The following GPC5 variants were observed in gnomAD, a reference collection of about 807,000 sequenced individuals.
The protein encoded by GPC5 is glypican 5.
A neutral mutation model predicts 53.9 loss-of-function variants in GPC5; 47 were observed. The observed-to-expected ratio is 0.87, with a 90% CI of 0.69 to 1.11. GPC5 has a LOEUF of 1.11. Among genes scored for constraint, GPC5 ranks in the 50% most tolerant of loss-of-function variants. The pLI is 0.00. For synonymous variants in GPC5, 286 were observed against 263.3 expected (o/e 1.09, Z -0.84); for missense variants, 748 against 713.1 (o/e 1.05, Z -0.56).
chr13:92,380,916 GAAAA>G (rs890659343), intron 7 of GPC5, among the ~76,000 whole-genome samples: 4 of 146,704 alleles, frequency 2.7e-5, no homozygotes, highest in Non-Finnish European at 6.0e-5. Context: ...AATAATAAAA[GAAAA>G]AAAAGAAAAA....
chr13:91,502,102 T>C (rs1884669585), intron 2 of GPC5, among the ~76,000 whole-genome samples: 1 of 152,212 alleles, frequency 6.6e-6, no homozygotes, highest in Non-Finnish European at 1.5e-5. Flanking sequence ...GTTTGTTTTT[T>C]TCTTGTAAAT....
chr13:91,564,997 G>GGGGGGGGC (rs1566509034), intron 2 of GPC5, among the ~76,000 whole-genome samples: 1 of 149,550 alleles, frequency 6.7e-6, no homozygotes, highest in African/African-American at 2.5e-5. Context: ...TTTTTTTGGG[G>GGGGGGGGC]GGGGGTCGGT....
intron 7 of GPC5, among the ~76,000 whole-genome samples, chr13:92,482,706 C>T (rs925303163): frequency 1.3e-5 from 2 of 152,200 alleles, no homozygotes; most frequent in Non-Finnish European, 2.9e-5. Flanking sequence ...CTTTTACCCA[C>T]GATTGTATTG....
intron 7 of GPC5, among the ~76,000 whole-genome samples, chr13:92,147,405 A>T (rs1347363422): frequency 2.0e-5 from 3 of 151,796 alleles, no homozygotes; most frequent in Admixed American, 2.0e-4. Flanking sequence ...GTGTGTGCAT[A>T]TGTGTGTATA....
chr13:92,309,599 C>G (rs1394049059), intron 7 of GPC5, among the ~76,000 whole-genome samples: 1 of 151,796 alleles, frequency 6.6e-6, no homozygotes, highest in Admixed American at 6.6e-5. Flanking sequence ...ATTTTTTCTA[C>G]TTTATTGAAG....
intron 7 of GPC5, among the ~76,000 whole-genome samples, chr13:92,546,132 C>A: frequency 6.6e-6 from 1 of 152,100 alleles, no homozygotes; most frequent in Non-Finnish European, 1.5e-5. Context: ...CTCACCACTC[C>A]TATTCAACAT....
intron 5 of GPC5, among the ~76,000 whole-genome samples, chr13:91,879,543 C>T (rs1192866510): frequency 6.6e-6 from 1 of 152,076 alleles, no homozygotes; most frequent in African/African-American, 2.4e-5. Flanking sequence ...AAGAAGGCTG[C>T]CCTTTCTCTG....
intron 2 of GPC5, among the ~76,000 whole-genome samples, chr13:91,606,301 A>G (rs1325692506): frequency 6.7e-6 from 1 of 150,356 alleles, no homozygotes; most frequent in Non-Finnish European, 1.5e-5. Flanking sequence ...CCCAGGGATG[A>G]AGTCCACTTG....
At chr13:92,457,347 A>G (rs1322616959) in intron 7 of GPC5, among the ~76,000 whole-genome samples, 1 of 152,048 alleles carries the variant, frequency 6.6e-6, no homozygotes, top group African/African-American at 2.4e-5. Flanking sequence ...GTTGTGAAGG[A>G]CTATTCTGTG....
intron 5 of GPC5, among the ~76,000 whole-genome samples, chr13:91,826,714 G>T (rs1438954487): frequency 6.6e-6 from 1 of 152,052 alleles, no homozygotes; most frequent in East Asian, 1.9e-4. Flanking sequence ...TAAAGCAAAA[G>T]AGTAAGTTCA....
At chr13:91,819,151 CTTTTTTTTTTTT>C (rs386380203) in intron 5 of GPC5, among the ~76,000 whole-genome samples, 3 of 58,046 alleles carry the variant, frequency 5.2e-5, no homozygotes, top group Non-Finnish European at 8.7e-5. Context: ...AAAATATGCG[CTTTTTTTTTTTT>C]TTTTTTTTTT....
At chr13:92,831,852 C>A (rs1878054446) in intron 7 of GPC5, among the ~76,000 whole-genome samples, 1 of 152,126 alleles carries the variant, frequency 6.6e-6, no homozygotes, top group African/African-American at 2.4e-5. Context: ...CAGTAAATTA[C>A]CCTTACAATT....
rs1406976863 is a variant in GPC5 at position 91,597,194 on chromosome 13, TTA to T, written c.326-95991_326-95990del. 3.9e-5 allele frequency among the ~76,000 whole-genome samples: 6 copies of T among 152,318 alleles called. No homozygotes were observed. In the South Asian group the frequency reaches 6.2e-4, roughly 16 times the overall value. ...GAAAATCATTGGTTCCCATATTTTG[TTA>T]TCTTTTATTGTTGTTCACTTCTGGC... On this transcript the variant is annotated intron_variant, in intron 2 of 7. Transcript: ENST00000377067.
intron 7 of GPC5, among the ~76,000 whole-genome samples, chr13:92,452,989 C>T (rs1410901786): frequency 1.3e-5 from 2 of 152,160 alleles, no homozygotes; most frequent in African/African-American, 2.4e-5. Context: ...GGCTTGAGAT[C>T]CTACTTCCTA....
chr13:92,462,353 C>G (rs1878521377), intron 7 of GPC5, among the ~76,000 whole-genome samples: 1 of 151,942 alleles, frequency 6.6e-6, no homozygotes, highest in South Asian at 2.1e-4. Flanking sequence ...TGATTAGAAT[C>G]CAGGTCTGTT....
chr13:91,797,311 CATT>C (rs1259177391), intron 5 of GPC5, among the ~76,000 whole-genome samples: 1 of 152,080 alleles, frequency 6.6e-6, no homozygotes, highest in Non-Finnish European at 1.5e-5. Flanking sequence ...AGTTTACAGA[CATT>C]GTTGCTACAA....
intron 7 of GPC5, among the ~76,000 whole-genome samples, chr13:92,255,013 A>T (rs2042717591): frequency 6.6e-6 from 1 of 152,176 alleles, no homozygotes; most frequent in Non-Finnish European, 1.5e-5. Flanking sequence ...TACAAATCAA[A>T]ATACACTATA....
At chr13:91,897,771 T>C (rs1298023805) in intron 5 of GPC5, among the ~76,000 whole-genome samples, 1 of 152,148 alleles carries the variant, frequency 6.6e-6, no homozygotes, top group African/African-American at 2.4e-5. Context: ...TTAAAACACA[T>C]CTCGTGACTG....
chr13:92,165,834 T>C (rs907274179), intron 7 of GPC5, among the ~76,000 whole-genome samples: 7 of 152,232 alleles, frequency 4.6e-5, no homozygotes, highest in African/African-American at 1.7e-4. Flanking sequence ...ATATGTAATC[T>C]TAAAACTCTA....
Sources: gnomAD v4.1 joint callset for allele counts (sites outside exome capture counted in the v4.1 genomes callset) on GRCh38, gnomAD v4.1.1 for gene constraint, MANE v1.5 for transcripts, NCBI Gene and HGNC (gene_info 2026-07-23, HGNC 2026-07-21) for gene names.